MDGA2: variants seen among roughly 807,000 people sequenced by gnomAD.
The protein encoded by MDGA2 is MAM domain containing glycosylphosphatidylinositol anchor 2.
Under a neutral mutation model 117.8 loss-of-function variants are expected in MDGA2, and 40 were observed. The observed-to-expected ratio is 0.34, with a 90% CI of 0.26 to 0.44. MDGA2 has a LOEUF of 0.44. MDGA2 is among the 20% of genes least tolerant of loss of function. MDGA2 has a pLI of 1.00. For synonymous variants in MDGA2, 452 were observed against 439.0 expected (o/e 1.03, Z -0.37); for missense variants, 1,123 against 1,250.6 (o/e 0.90, Z 1.54).
At position 47,225,464 on chromosome 14, in the gene MDGA2, C is replaced by T. The variant is rs1235315268; in HGVS notation, c.421-7269G>A. Among the ~76,000 whole-genome samples, 20 of 152,032 alleles carry T rather than the reference C, an allele frequency of 1.3e-4. No homozygotes were observed. In the South Asian group the frequency reaches 1.7e-3, roughly 13 times the overall value. On this transcript the variant is annotated intron_variant, in intron 2 of 16. Coordinates refer to ENST00000399232, the MANE Select transcript of MDGA2 (RefSeq NM_001113498.3). ...AAGAAAATGTGGCACATAGACACCA[C>T]GGAATACTATGCAGCCATAAAAAAG...
chr14:47,180,738 T>G (rs1235981568), intron 3 of MDGA2, among the ~76,000 whole-genome samples: 2 of 152,044 alleles, frequency 1.3e-5, no homozygotes, highest in African/African-American at 4.8e-5. Flanking sequence ...CTGGGCAACA[T>G]AGTGAAACCC....
intron 6 of MDGA2, among the ~76,000 whole-genome samples, chr14:47,068,935 G>A (rs1178551843): frequency 1.3e-5 from 2 of 151,896 alleles, no homozygotes; most frequent in Non-Finnish European, 2.9e-5. Context: ...AAGTGATTCT[G>A]CCCCTTCTGC....
chr14:47,087,952 G>A (rs760787884), intron 6 of MDGA2, among the ~76,000 whole-genome samples: 3 of 151,918 alleles, frequency 2.0e-5, no homozygotes, highest in Non-Finnish European at 4.4e-5. Context: ...AAAATTGAAA[G>A]ATTTTCTCTT....
chr14:46,937,225 C>A (rs1358985428), intron 9 of MDGA2, among the ~76,000 whole-genome samples: 1 of 137,040 alleles, frequency 7.3e-6, no homozygotes, highest in African/African-American at 2.7e-5. Flanking sequence ...CCCCCCCCAA[C>A]ACAAATACCT....
At chr14:47,300,362 T>G (rs1456621149) in intron 2 of MDGA2, among the ~76,000 whole-genome samples, 1 of 152,254 alleles carries the variant, frequency 6.6e-6, no homozygotes, top group African/African-American at 2.4e-5. Context: ...GAATTATCAA[T>G]TATTGAGTAA....
chr14:47,064,810 G>A lies in MDGA2; in HGVS notation c.1196-3232C>T, dbSNP rs555340704. 2.7e-4 allele frequency among the ~76,000 whole-genome samples: 41 copies of A among 152,110 alleles called. No homozygotes were observed. In the South Asian group the frequency reaches 5.2e-3, roughly 19 times the overall value. On this transcript the variant is annotated intron_variant, in intron 6 of 16. Transcript: ENST00000399232. ...TTATAATTAAACGCTCTCTTTTTCC[G>A]TGAACAATTTATAGTAGCTCATGTA...
chr14:46,977,529 T>C (rs533967807), intron 8 of MDGA2, among the ~76,000 whole-genome samples: 31 of 152,052 alleles, frequency 2.0e-4, no homozygotes, highest in Admixed American at 1.4e-3. Context: ...CATTTGATAA[T>C]AGCCACAATT....
At chr14:47,569,962 T>C (rs949665501) in intron 1 of MDGA2, among the ~76,000 whole-genome samples, 2 of 152,178 alleles carry the variant, frequency 1.3e-5, no homozygotes, top group Admixed American at 6.5e-5. Context: ...AAGTATTGAA[T>C]AAAATGTTTA....
At chr14:46,962,715 A>C (rs1357266744) in intron 8 of MDGA2, among the ~76,000 whole-genome samples, 2 of 152,198 alleles carry the variant, frequency 1.3e-5, no homozygotes, top group Non-Finnish European at 2.9e-5. Flanking sequence ...CTGATTGTCA[A>C]GGGAAAAAAT....
intron 1 of MDGA2, among the ~76,000 whole-genome samples, chr14:47,586,394 C>T (rs1259467337): frequency 6.6e-6 from 1 of 151,812 alleles, no homozygotes. Flanking sequence ...TATTCAGATG[C>T]AGACCCAAAA....
chr14:47,091,652 AT>A (rs548463908), intron 6 of MDGA2, among the ~76,000 whole-genome samples: 4 of 151,560 alleles, frequency 2.6e-5, no homozygotes, highest in Non-Finnish European at 4.4e-5. Flanking sequence ...GGATAATGAG[AT>A]TTTTTTTTGT....
At chr14:47,651,030 G>A (rs1218403447) in intron 1 of MDGA2, among the ~76,000 whole-genome samples, 4 of 151,982 alleles carry the variant, frequency 2.6e-5, no homozygotes, top group African/African-American at 9.7e-5. Flanking sequence ...GAAGCTTTTT[G>A]GGTCTTTATT....
At chr14:47,082,239 A>C (rs887307939) in intron 6 of MDGA2, among the ~76,000 whole-genome samples, 3 of 151,904 alleles carry the variant, frequency 2.0e-5, no homozygotes, top group Admixed American at 6.6e-5. Flanking sequence ...ATAGAGAAAA[A>C]AGAAAAACCA....
At chr14:47,286,803 T>TTATATATATATATATA (rs34614614) in intron 2 of MDGA2, among the ~76,000 whole-genome samples, 52 of 130,016 alleles carry the variant, frequency 4.0e-4, no homozygotes, top group African/African-American at 1.5e-3. Flanking sequence ...AGGCATATCA[T>TTATATATATATATATA]TATATATATA....
At chr14:47,359,407 T>C (rs963371194) in intron 1 of MDGA2, among the ~76,000 whole-genome samples, 1 of 151,582 alleles carries the variant, frequency 6.6e-6, no homozygotes, top group African/African-American at 2.4e-5. Context: ...TACAAAGATA[T>C]AGTAAACAAA....
At chr14:47,403,555 C>A (rs1446174570) in intron 1 of MDGA2, among the ~76,000 whole-genome samples, 1 of 152,144 alleles carries the variant, frequency 6.6e-6, no homozygotes, top group Non-Finnish European at 1.5e-5. Flanking sequence ...CTCTCTCCAT[C>A]TCCACTGCCA....
At chr14:47,073,742 G>C (rs890477841) in intron 6 of MDGA2, among the ~76,000 whole-genome samples, 4 of 152,212 alleles carry the variant, frequency 2.6e-5, no homozygotes, top group African/African-American at 9.6e-5. Flanking sequence ...TAAAGATGCT[G>C]AAAGGTCATT....
chr14:47,041,019 A>C (rs560286491), intron 7 of MDGA2, among the ~76,000 whole-genome samples: 49 of 152,316 alleles, frequency 3.2e-4, no homozygotes, highest in Admixed American at 2.7e-3. Context: ...AGAGATAAAC[A>C]TAATCAATAT....
intron 1 of MDGA2, among the ~76,000 whole-genome samples, chr14:47,641,909 G>A (rs1256246367): frequency 6.6e-6 from 1 of 152,082 alleles, no homozygotes; most frequent in Non-Finnish European, 1.5e-5. Context: ...TGGAGAAGAG[G>A]AGAGCAGAGG....
Sources: gnomAD v4.1 joint callset for allele counts (sites outside exome capture counted in the v4.1 genomes callset) on GRCh38, gnomAD v4.1.1 for gene constraint, MANE v1.5 for transcripts, NCBI Gene and HGNC (gene_info 2026-07-23, HGNC 2026-07-21) for gene names.